Variants in LRP1B observed in about 807,000 individuals in gnomAD.
The protein encoded by LRP1B is LDL receptor related protein 1B.
In LRP1B, 217 loss-of-function variants were observed where a neutral mutation model predicts 556.6. The observed-to-expected ratio is 0.39, with a 90% CI of 0.35 to 0.44. The LOEUF (loss-of-function observed/expected upper bound fraction) is 0.44, where lower values mean the gene tolerates loss of function less well. LRP1B is among the 20% of genes least tolerant of loss of function. The pLI, the probability that LRP1B is intolerant of heterozygous loss-of-function variation, is 1.00. For missense variants in LRP1B, 5,053 were observed against 5,620.8 expected (o/e 0.90, Z 3.23); for synonymous variants, 2,047 against 1,865.8 (o/e 1.10, Z -2.50).
chr2:141,367,651 T>G (rs1012038128), intron 3 of LRP1B, among the ~76,000 whole-genome samples: 2 of 151,562 alleles, frequency 1.3e-5, no homozygotes, highest in African/African-American at 4.9e-5. Flanking sequence ...CCCGGCTAAT[T>G]TTTTATACTT....
chr2:140,772,259 A>T (rs1817626), intron 33 of LRP1B, among the ~76,000 whole-genome samples: 118,158 of 151,252 alleles, frequency 0.78, 46,852 homozygotes, highest in East Asian at 0.99. Context: ...TCATTTATCA[A>T]ATAATGAAAC....
At chr2:141,498,598 C>T (rs532664437) in intron 2 of LRP1B, among the ~76,000 whole-genome samples, 2 of 152,046 alleles carry the variant, frequency 1.3e-5, no homozygotes, top group African/African-American at 4.8e-5. Flanking sequence ...TACATTTTTA[C>T]CAGAAATCCA....
At chr2:140,661,079 A>G (rs1163243725) in intron 41 of LRP1B, among the ~76,000 whole-genome samples, 1 of 152,068 alleles carries the variant, frequency 6.6e-6, no homozygotes, top group African/African-American at 2.4e-5. Context: ...TCATAGACAT[A>G]CTTTTATGCC....
chr2:140,274,871 TAAC>T (rs1271182415), intron 84 of LRP1B, among the ~76,000 whole-genome samples: 12 of 152,028 alleles, frequency 7.9e-5, no homozygotes, highest in Non-Finnish European at 1.8e-4. Flanking sequence ...AAGCTTAAGT[TAAC>T]AAGTTCCCTT....
intron 2 of LRP1B, among the ~76,000 whole-genome samples, chr2:141,544,768 C>T (rs949332882): frequency 6.6e-6 from 1 of 151,654 alleles, no homozygotes; most frequent in Non-Finnish European, 1.5e-5. Flanking sequence ...TGGGCTCAAG[C>T]AATCCTCCCA....
intron 20 of LRP1B, among the ~76,000 whole-genome samples, chr2:140,944,865 T>G (rs1441789840): frequency 6.6e-6 from 1 of 152,128 alleles, no homozygotes; most frequent in East Asian, 1.9e-4. Flanking sequence ...TGAGGATTTC[T>G]AATCTCACCA....
In LRP1B at chr2:140,903,012, C is replaced by T. The variant is rs1265059955; in HGVS notation, c.3674G>A (p.Ser1225Asn). ...VDYCSNHLKC[S>N]QVCEQHKHTV... The stretch of plus-strand genomic sequence containing the variant: ...GTGCTTGTGCTGCTCACATACTTGG[C>T]TGCACTTTAGATGATTGCTACAATA... The change falls in exon 23 of 91, where the codon AGC (serine) becomes AAC (asparagine). Residue 1225 changes from serine (S) to asparagine (N), a missense_variant. Ser to Asn is a conservative substitution (Grantham distance 46). Around this residue, in one of 5 missense-constraint regions of LRP1B, gnomAD observed 3,619 missense variants for 3,931.9 expected, o/e 0.92. Transcript: ENST00000389484. The T allele has an allele frequency of 1.2e-6, 2 of 1,613,750 alleles. No homozygotes were observed.
At chr2:140,513,668 C>T (rs1379956034) in intron 51 of LRP1B, among the ~76,000 whole-genome samples, 29 of 118,506 alleles carry the variant, frequency 2.4e-4, no homozygotes, top group Non-Finnish European at 5.2e-4. Flanking sequence ...AAGAGAACTT[C>T]AGTTGAGCTT....
chr2:140,605,978 GT>G (rs1682853636), intron 41 of LRP1B, among the ~76,000 whole-genome samples: 1 of 151,920 alleles, frequency 6.6e-6, no homozygotes, highest in Admixed American at 6.6e-5. Flanking sequence ...TTCAACTAAT[GT>G]TGACTAAAAC....
At chr2:141,416,482 C>T (rs1200832122) in intron 3 of LRP1B, among the ~76,000 whole-genome samples, 1 of 120,662 alleles carries the variant, frequency 8.3e-6, no homozygotes, top group Middle Eastern at 7.8e-3. Flanking sequence ...GACAGGATCT[C>T]TCACTCTGTC....
chr2:140,843,841 C>G (rs1692194177), intron 29 of LRP1B, among the ~76,000 whole-genome samples: 3 of 152,170 alleles, frequency 2.0e-5, no homozygotes, highest in African/African-American at 7.2e-5. Context: ...ACTACTTTCA[C>G]ATATGTGTTT....
chr2:141,544,389 TCCTCCTCCTCCTCCTCCTC>T (rs1685469415), intron 2 of LRP1B, among the ~76,000 whole-genome samples: 1 of 92,128 alleles, frequency 1.1e-5, no homozygotes, highest in African/African-American at 3.3e-5. Context: ...CTTCTCCTCC[TCCTCCTCCTCCTCCTCCTC>T]CTCCTTCTCC....
chr2:141,500,614 A>G lies in LRP1B; in HGVS notation c.206-20081T>C, dbSNP rs148503522. 5.6e-3 allele frequency among the ~76,000 whole-genome samples: 854 copies of G among 152,274 alleles called. 2 individuals carry two copies. Among genetic ancestry groups the G allele is most frequent in the Middle Eastern group, 0.034 (10 of 294 alleles). ...AGAAATATTTGTCTCAGGAAGATAAACTATAGAAGGAATATTATGGCAAAT... is the reference window on the plus strand; with the variant it reads ...AGAAATATTTGTCTCAGGAAGATAAGCTATAGAAGGAATATTATGGCAAAT... On this transcript the variant is annotated intron_variant, in intron 2 of 90. Transcript: ENST00000389484.
intron 3 of LRP1B, among the ~76,000 whole-genome samples, chr2:141,441,528 T>C (rs1680967985): frequency 6.6e-6 from 1 of 152,244 alleles, no homozygotes; most frequent in Non-Finnish European, 1.5e-5. Flanking sequence ...TATTTTTTTG[T>C]TTTATACTTT....
intron 1 of LRP1B, among the ~76,000 whole-genome samples, chr2:142,091,117 C>T (rs1370979907): frequency 6.6e-6 from 1 of 152,006 alleles, no homozygotes; most frequent in Non-Finnish European, 1.5e-5. Context: ...CTGTAATTAC[C>T]TGTTCTTTAA....
chr2:140,542,728 G>T (rs1680183240), intron 43 of LRP1B, among the ~76,000 whole-genome samples: 1 of 152,108 alleles, frequency 6.6e-6, no homozygotes, highest in South Asian at 2.1e-4. Context: ...ATGAATAAAA[G>T]TTACGGGAAG....
chr2:141,077,951 G>C (rs1699832461), intron 7 of LRP1B, among the ~76,000 whole-genome samples: 1 of 150,490 alleles, frequency 6.6e-6, no homozygotes, highest in Non-Finnish European at 1.5e-5. Context: ...CTCAGAACTT[G>C]AGAGCTTCAG....
chr2:141,938,069 A>T (rs1322171338), intron 1 of LRP1B, among the ~76,000 whole-genome samples: 1 of 152,030 alleles, frequency 6.6e-6, no homozygotes. Flanking sequence ...TTTTTATGCC[A>T]GTACCATACC....
intron 41 of LRP1B, among the ~76,000 whole-genome samples, chr2:140,641,490 T>TA (rs1399051976): frequency 1.3e-5 from 2 of 152,240 alleles, no homozygotes; most frequent in Non-Finnish European, 2.9e-5. Context: ...TAAGCTCTCT[T>TA]ACCACCTTGA....
Sources: gnomAD v4.1 joint callset for allele counts (sites outside exome capture counted in the v4.1 genomes callset) on GRCh38, gnomAD v4.1.1 for gene constraint, gnomAD v4.1.1 regional missense constraint, MANE v1.5 for transcripts, NCBI Gene and HGNC (gene_info 2026-07-23, HGNC 2026-07-21) for gene names.